Variants in IQSEC1 observed in about 807,000 individuals in gnomAD.
The protein encoded by IQSEC1 is IQ motif and Sec7 domain ArfGEF 1.
Under a neutral mutation model 91.0 loss-of-function variants are expected in IQSEC1, and 31 were observed. The observed-to-expected ratio is 0.34, with a 90% CI of 0.26 to 0.46. The LOEUF (loss-of-function observed/expected upper bound fraction) is 0.46, where lower values mean the gene tolerates loss of function less well. Ranked by LOEUF, IQSEC1 falls within the 20% of genes least tolerant of loss-of-function variation. The pLI is 1.00. For synonymous variants in IQSEC1, 699 were observed against 662.6 expected (o/e 1.05, Z -0.84); for missense variants, 1,388 against 1,575.6 (o/e 0.88, Z 2.02).
In IQSEC1 at chr3:12,967,631, C is replaced by A; in HGVS notation, c.24-25766G>T. 3.2e-6 allele frequency: 4 copies of A among 1,232,550 alleles called. No individual in the cohort carries two copies. In the African/African-American group the frequency reaches 4.7e-5, roughly 15 times the overall value. 76.4% of individuals were successfully genotyped at this position (1,232,550 alleles called of 1,614,324 possible). On this transcript the variant is annotated intron_variant, in intron 1 of 13. Transcript: ENST00000613206. The surrounding 1 kb of genome is among the most constrained non-coding windows in gnomAD (Gnocchi z 5.9). ...CCAGCGTCCGCCGGCTCCCGCGGCTCCGGCCCCAAGTCCGAGCCCCAGGCC... is the reference window on the plus strand; with the variant it reads ...CCAGCGTCCGCCGGCTCCCGCGGCTACGGCCCCAAGTCCGAGCCCCAGGCC...
chr3:12,950,323 G>A (rs1177323139), intron 1 of IQSEC1, among the ~76,000 whole-genome samples: 2 of 152,198 alleles, frequency 1.3e-5, no homozygotes, highest in African/African-American at 4.8e-5. Context: ...GGAGCAGAAT[G>A]CAAGGATACA....
In IQSEC1 at chr3:12,900,191, C is replaced by T. The variant is rs926916204; in HGVS notation, c.*792G>A. 1.0e-6 allele frequency: 1 copy of T among 977,934 alleles called. No individual in the cohort carries two copies. Among genetic ancestry groups the T allele is most frequent in the Non-Finnish European group, 1.2e-6 (1 of 823,328 alleles). The allele number at this position is 977,934 out of a possible 1,614,324, so 60.6% of individuals were successfully genotyped here. A position where few individuals can be genotyped will look rare whatever the true frequency, so the allele number is the denominator to read the frequency against. On this transcript the variant is annotated 3_prime_UTR_variant, in exon 14 of 14. Transcript: ENST00000613206. ...AGGATTTATACAAAGCAATACTGGA[C>T]TTTTTAAACAGTTAGATGCTATGTT...
intron 2 of IQSEC1, among the ~76,000 whole-genome samples, chr3:13,136,869 G>A (rs1265561690): frequency 6.6e-6 from 1 of 152,214 alleles, no homozygotes; most frequent in East Asian, 1.9e-4. Context: ...GGGTGCGGTG[G>A]CTCATGTCTG....
chr3:13,175,379 C>T (rs187985433), intron 1 of IQSEC1, among the ~76,000 whole-genome samples: 1 of 152,306 alleles, frequency 6.6e-6, no homozygotes, highest in East Asian at 1.9e-4. Flanking sequence ...GCTATGGGCC[C>T]AAGTTTCCTG....
intron 1 of IQSEC1, among the ~76,000 whole-genome samples, chr3:12,950,983 G>A (rs892312348): frequency 1.3e-5 from 2 of 152,042 alleles, no homozygotes; most frequent in African/African-American, 4.8e-5. Context: ...AGTGTCTCTT[G>A]CCTGTAGTCC....
rs933153014 is a variant in IQSEC1, at chr3:13,211,112, T to G, written c.273-46979A>C. Among the ~76,000 whole-genome samples, 1 of 152,192 alleles carries G rather than the reference T, an allele frequency of 6.6e-6. No individual in the cohort carries two copies. The highest frequency in any genetic ancestry group is 2.4e-5 in the African/African-American group (1 of 41,452). ...ACACACAGTAGGTGTGCAGTAAAGGTGTGTCGGATGACTGAGTGATCTCCA... is the reference window on the plus strand; with the variant it reads ...ACACACAGTAGGTGTGCAGTAAAGGGGTGTCGGATGACTGAGTGATCTCCA... On this transcript the variant is annotated intron_variant, in intron 1 of 15. Transcript: ENST00000648114. The surrounding 1 kb of genome is among the most constrained non-coding windows in gnomAD (Gnocchi z 5.3).
chr3:13,258,981 G>C (rs575108138), intron 1 of IQSEC1, among the ~76,000 whole-genome samples: 1 of 152,000 alleles, frequency 6.6e-6, no homozygotes, highest in East Asian at 1.9e-4. Context: ...CCTGGCCCAA[G>C]ACCTATCATC....
chr3:13,123,316 G>A (rs1706454101), intron 2 of IQSEC1, among the ~76,000 whole-genome samples: 1 of 152,244 alleles, frequency 6.6e-6, no homozygotes, highest in African/African-American at 2.4e-5. Flanking sequence ...GATGTCTGTG[G>A]GAAAGCCTGT....
At chr3:13,168,421 G>A (rs113841990) in intron 1 of IQSEC1, among the ~76,000 whole-genome samples, 2,577 of 152,118 alleles carry the variant, frequency 0.017, 74 homozygotes, top group African/African-American at 0.059. Context: ...GTCTATGCCC[G>A]TCTTCCTCAC....
chr3:13,042,765 C>G (rs1704331225), intron 1 of IQSEC1, among the ~76,000 whole-genome samples: 1 of 152,146 alleles, frequency 6.6e-6, no homozygotes, highest in South Asian at 2.1e-4. Flanking sequence ...TCTGTTCTTC[C>G]AACCAGGCCC....
chr3:13,116,626 C>T (rs12632217), intron 2 of IQSEC1, among the ~76,000 whole-genome samples: 26,194 of 151,960 alleles, frequency 0.17, 2,610 homozygotes, highest in African/African-American at 0.27. Context: ...CCCGGCCGGG[C>T]GCAGTGCCTC....
In IQSEC1 at chr3:13,032,088, CACACACCTGTGCTCGCAT is replaced by C. The variant is rs1322726696; in HGVS notation, c.23+40886_23+40903del. ...CCTCATATTCTCCTTTCTCTACGCA[CACACACCTGTGCTCGCAT>C]ACACACTTTCCCCCTGTAATTGTTT... On this transcript the variant is annotated intron_variant, in intron 1 of 13. Coordinates refer to ENST00000613206, the MANE Select transcript of IQSEC1 (RefSeq NM_001134382.3). 5.3e-5 allele frequency among the ~76,000 whole-genome samples: 8 copies of C among 152,308 alleles called. No individual in the cohort carries two copies. The East Asian group carries it at 1.5e-3, about 29-fold the overall frequency.
intron 1 of IQSEC1, among the ~76,000 whole-genome samples, chr3:13,168,403 T>C (rs1693537694): frequency 6.6e-6 from 1 of 152,160 alleles, no homozygotes; most frequent in South Asian, 2.1e-4. Context: ...AAATGACAGT[T>C]TACATCAGTC....
At position 12,967,585 on chromosome 3, in the gene IQSEC1, G is replaced by T; in HGVS notation, c.24-25720C>A. The T allele has an allele frequency of 7.6e-7, 1 of 1,319,984 alleles. No individual in the cohort carries two copies. 81.8% of individuals were successfully genotyped at this position (1,319,984 alleles called of 1,614,324 possible). ...CCGGAGACCCGACCACCCGCCACGC[G>T]ATCACGTCGGGGCTCCTGGTCCAGC... is the stretch of plus-strand genomic sequence containing the variant. On this transcript the variant is annotated intron_variant, in intron 1 of 13. Coordinates refer to ENST00000613206, the MANE Select transcript of IQSEC1 (RefSeq NM_001134382.3). This position sits in a 1 kb window ranked among gnomAD's most constrained non-coding sequence, Gnocchi z 5.9.
intron 1 of IQSEC1, among the ~76,000 whole-genome samples, chr3:13,188,779 A>G (rs961811586): frequency 6.6e-6 from 1 of 152,242 alleles, no homozygotes; most frequent in African/African-American, 2.4e-5. Context: ...CACAGGAAAA[A>G]GCCAACTAGA....
chr3:13,267,955 C>T (rs577654598), intron 1 of IQSEC1, among the ~76,000 whole-genome samples: 1 of 152,176 alleles, frequency 6.6e-6, no homozygotes, highest in African/African-American at 2.4e-5. Flanking sequence ...GCTGTGCCCC[C>T]CCTTAACCAG....
chr3:13,274,192 G>A (rs189949833), intron 1 of IQSEC1, among the ~76,000 whole-genome samples: 3 of 152,252 alleles, frequency 2.0e-5, no homozygotes, highest in Middle Eastern at 3.4e-3. Flanking sequence ...CCACAAACAT[G>A]CCTGCCCCCG....
chr3:12,912,843 A>C (rs1374628935), intron 9 of IQSEC1, among the ~76,000 whole-genome samples: 1 of 152,178 alleles, frequency 6.6e-6, no homozygotes, highest in African/African-American at 2.4e-5. Context: ...AGAGCTCCCC[A>C]GTTTCCTTTT....
intron 1 of IQSEC1, among the ~76,000 whole-genome samples, chr3:12,974,752 C>T (rs1178922952): frequency 6.6e-6 from 1 of 152,220 alleles, no homozygotes; most frequent in African/African-American, 2.4e-5. Context: ...TCAAAAATGC[C>T]CCCACTTCAG....
Sources: gnomAD v4.1 joint callset for allele counts (sites outside exome capture counted in the v4.1 genomes callset) on GRCh38, gnomAD v4.1.1 for gene constraint, Gnocchi (gnomAD v3.1) non-coding constraint, MANE v1.5 for transcripts, NCBI Gene and HGNC (gene_info 2026-07-23, HGNC 2026-07-21) for gene names.